ATRX: variants seen among roughly 807,000 people sequenced by gnomAD.
ATRX encodes the protein chromatin remodeler ATRX.
In ATRX, 12 loss-of-function variants were observed where a neutral mutation model predicts 172.6. That is an observed-to-expected ratio of 0.07 (90% confidence interval 0.04 to 0.11). The LOEUF (loss-of-function observed/expected upper bound fraction) is 0.11, where lower values mean the gene tolerates loss of function less well. Among genes scored for constraint, ATRX ranks in the 10% least tolerant of loss-of-function variants. ATRX has a pLI of 1.00. For synonymous variants in ATRX, 674 were observed against 594.7 expected, an observed-to-expected ratio of 1.13 and a Z score of -1.94; for missense variants, 1,368 against 1,767.4, an observed-to-expected ratio of 0.77 and a Z score of 4.05.
intron 1 of ATRX, among the ~76,000 whole-genome samples, chrX:77,773,056 A>G (rs1324720302): frequency 1.2e-5 from 1 of 82,979 alleles, no homozygotes; most frequent in African/African-American, 4.6e-5. Context: ...TATGTTGCCC[A>G]GGCTGGAGAG....
At chrX:77,560,690 A>G (rs782127292) in intron 28 of ATRX, among the ~76,000 whole-genome samples, 59 of 111,620 alleles carry the variant, frequency 5.3e-4, no homozygotes, top group Middle Eastern at 4.7e-3. Context: ...AAATGATGGG[A>G]AAAAGTTTAC....
intron 10 of ATRX, among the ~76,000 whole-genome samples, chrX:77,667,173 G>C (rs1044720280): frequency 2.7e-5 from 3 of 110,105 alleles, no homozygotes; most frequent in Non-Finnish European, 3.8e-5. Context: ...GTCTGGCACA[G>C]CACTTTTTTT....
At chrX:77,640,999 T>C (rs1016209701) in intron 15 of ATRX, among the ~76,000 whole-genome samples, 2 of 111,285 alleles carry the variant, frequency 1.8e-5, no homozygotes, top group Non-Finnish European at 1.9e-5. Flanking sequence ...CACAGTAGCC[T>C]CTTCGTTTAT....
intron 1 of ATRX, among the ~76,000 whole-genome samples, chrX:77,719,478 G>A (rs1260913750): frequency 9.0e-6 from 1 of 110,864 alleles, no homozygotes; most frequent in African/African-American, 3.3e-5. Flanking sequence ...AAAATAAAGG[G>A]ATGGAGAAAC....
At chrX:77,779,013 C>T (rs782358398) in intron 1 of ATRX, among the ~76,000 whole-genome samples, 30 of 107,523 alleles carry the variant, frequency 2.8e-4, no homozygotes, top group Middle Eastern at 4.7e-3. Context: ...CTGCAAGCTC[C>T]GCCTCCCAGG....
At chrX:77,714,151 A>G (rs1286913501) in intron 2 of ATRX, among the ~76,000 whole-genome samples, 1 of 111,344 alleles carries the variant, frequency 9.0e-6, no homozygotes, top group Non-Finnish European at 1.9e-5. Flanking sequence ...GAAAAGAACT[A>G]GGAGGGGGTC....
intron 11 of ATRX, 124 bp downstream of exon 11, chrX:77,664,521 G>A: frequency 1.0e-6 from 1 of 977,941 alleles, no homozygotes; most frequent in Non-Finnish European, 1.4e-6. Flanking sequence ...AAAGTCCTGA[G>A]ATTATAGGCG....
At position 77,626,606 on chromosome X, in the gene ATRX, G is replaced by C. The variant is rs192356216; in HGVS notation, c.5135-6074C>G. 2.7e-5 allele frequency among the ~76,000 whole-genome samples: 3 copies of C among 111,238 alleles called. No individual in the cohort carries two copies. The East Asian group carries it at 8.5e-4, about 32-fold the overall frequency. Reference sequence around the variant, plus strand: ...TAACCATGAGTCTAATGGATTTTCTGAGTTCTGTGAGTCCTTCTTATGAGT... The same window carrying C: ...TAACCATGAGTCTAATGGATTTTCTCAGTTCTGTGAGTCCTTCTTATGAGT... On this transcript the variant is annotated intron_variant, in intron 19 of 34. Transcript: ENST00000373344.
intron 23 of ATRX, 62 bp downstream of exon 23, chrX:77,600,372 A>AT: frequency 3.4e-6 from 4 of 1,185,842 alleles, no homozygotes; most frequent in South Asian, 1.8e-5. Flanking sequence ...CTGTAGGTCA[A>AT]TTTTTTGTCT....
At chrX:77,509,914 G>T in intron 34 of ATRX, among the ~76,000 whole-genome samples, 1 of 73,689 alleles carries the variant, frequency 1.4e-5, no homozygotes, top group African/African-American at 4.9e-5. Context: ...CGGGGGGCGG[G>T]GGGGGGGGGC....
At chrX:77,700,815 T>C (rs1030568897) in intron 2 of ATRX, among the ~76,000 whole-genome samples, 4 of 112,146 alleles carry the variant, frequency 3.6e-5, no homozygotes, top group African/African-American at 1.3e-4. Context: ...ATTACAACTA[T>C]GACAATCTGA....
chrX:77,542,877 C>G (rs1470767725), intron 30 of ATRX, among the ~76,000 whole-genome samples: 1 of 111,591 alleles, frequency 9.0e-6, no homozygotes, highest in Non-Finnish European at 1.9e-5. Flanking sequence ...AGAAGAAAAC[C>G]TAGGCAATAC....
intron 1 of ATRX, among the ~76,000 whole-genome samples, chrX:77,722,885 T>C (rs979822770): frequency 8.9e-6 from 1 of 111,901 alleles, no homozygotes; most frequent in Non-Finnish European, 1.9e-5. Flanking sequence ...TAAAGACACA[T>C]GCACACATGT....
chrX:77,536,135 G>A (rs1223199248), intron 30 of ATRX, among the ~76,000 whole-genome samples: 4 of 110,276 alleles, frequency 3.6e-5, no homozygotes, highest in African/African-American at 6.6e-5. Context: ...ACATAGCCTC[G>A]AACCCCTGAG....
At chrX:77,703,352 G>T (rs1323009467) in intron 2 of ATRX, among the ~76,000 whole-genome samples, 1 of 112,902 alleles carries the variant, frequency 8.9e-6, no homozygotes, top group Admixed American at 9.3e-5. Flanking sequence ...GAGCAAGTGT[G>T]GGGTCCGGTC....
At chrX:77,731,085 T>TAA (rs782512439) in intron 1 of ATRX, among the ~76,000 whole-genome samples, 2 of 48,570 alleles carry the variant, frequency 4.1e-5, no homozygotes, top group African/African-American at 7.9e-5. Context: ...TTGGCCAGAG[T>TAA]AAAAAAAAAA....
chrX:77,633,394 G>A lies in ATRX; in HGVS notation c.4957-10C>T, dbSNP rs1557106510. 3.3e-6 allele frequency: 4 copies of A among 1,199,487 alleles called. No homozygotes were observed. The African/African-American group carries it at 5.3e-5, about 16-fold the overall frequency. On this transcript the variant is annotated splice_polypyrimidine_tract_variant and intron_variant, in intron 18 of 34. Transcript: ENST00000373344. ...TTGCTAATTCAGAAACCTTTTGTGG[G>A]GAAATAAAGATTTTTTTAAGTAGCT...
intron 19 of ATRX, 83 bp from the exon 20 acceptor site, chrX:77,620,615 C>T (rs2148273890): frequency 1.1e-6 from 1 of 885,064 alleles, no homozygotes; most frequent in Non-Finnish European, 1.6e-6. Flanking sequence ...AAAGTTAATC[C>T]CTTTAAAGTG....
chrX:77,720,739 C>A (rs2073713301), intron 1 of ATRX, among the ~76,000 whole-genome samples: 1 of 111,744 alleles, frequency 8.9e-6, no homozygotes, highest in Non-Finnish European at 1.9e-5. Flanking sequence ...CTGAATTCTA[C>A]CAGAGGTACA....
Sources: gnomAD v4.1 joint callset for allele counts (sites outside exome capture counted in the v4.1 genomes callset) on GRCh38, gnomAD v4.1.1 for gene constraint, MANE v1.5 for transcripts, NCBI Gene and HGNC (gene_info 2026-07-23, HGNC 2026-07-21) for gene names.